Variants in PGM5 observed in about 807,000 individuals in gnomAD.
The protein encoded by PGM5 is phosphoglucomutase 5, also known as phosphoglucomutase-like protein 5.
A neutral mutation model predicts 59.2 loss-of-function variants in PGM5; 23 were observed. The observed-to-expected ratio is 0.39, with a 90% CI of 0.28 to 0.55. The LOEUF (loss-of-function observed/expected upper bound fraction) is 0.55, where lower values mean the gene tolerates loss of function less well. Among genes scored for constraint, PGM5 ranks in the 20% least tolerant of loss-of-function variants. The pLI, the probability that PGM5 is intolerant of heterozygous loss-of-function variation, is 0.66. For missense variants in PGM5, 574 were observed against 748.3 expected, an observed-to-expected ratio of 0.77 and a Z score of 2.72; for synonymous variants, 214 against 286.0, an observed-to-expected ratio of 0.75 and a Z score of 2.54.
At chr9:68,527,199 A>G (rs759963929) in intron 10 of PGM5, among the ~76,000 whole-genome samples, 8 of 152,244 alleles carry the variant, frequency 5.3e-5, no homozygotes, top group Non-Finnish European at 8.8e-5. Context: ...CCACTTAAAG[A>G]TGTGGAGTCA....
chr9:68,526,199 G>A (rs1824971183), intron 10 of PGM5, among the ~76,000 whole-genome samples: 1 of 152,216 alleles, frequency 6.6e-6, no homozygotes, highest in Non-Finnish European at 1.5e-5. Flanking sequence ...AAGAAGTTCT[G>A]TGGTTCCTGG....
At chr9:68,399,930 C>G (rs1484067008) in intron 6 of PGM5, among the ~76,000 whole-genome samples, 1 of 151,988 alleles carries the variant, frequency 6.6e-6, no homozygotes, top group African/African-American at 2.4e-5. Flanking sequence ...AATAATAAAC[C>G]TTGGAATAAT....
intron 7 of PGM5, among the ~76,000 whole-genome samples, chr9:68,467,047 T>C (rs535423158): frequency 1.3e-5 from 2 of 152,272 alleles, no homozygotes; most frequent in African/African-American, 4.8e-5. Context: ...ATTTGTTTCA[T>C]GTAAGAGAAG....
intron 6 of PGM5, chr9:68,398,255 C>A (rs1481405437): frequency 2.6e-5 from 4 of 152,224 alleles, no homozygotes; most frequent in Middle Eastern, 3.4e-3. Flanking sequence ...AGAAGAAAGC[C>A]CTTTATCCTG....
intron 8 of PGM5, among the ~76,000 whole-genome samples, chr9:68,480,031 A>G (rs1193848581): frequency 6.6e-6 from 1 of 152,110 alleles, no homozygotes; most frequent in East Asian, 1.9e-4. Flanking sequence ...AAAGGCTACC[A>G]AGCTGGAAGG....
rs373460236 is a variant in PGM5 at position 68,446,897 on chromosome 9, C to T, written c.1044-18196C>T. On this transcript the variant is annotated intron_variant, in intron 6 of 10. Transcript: ENST00000396396. The stretch of plus-strand genomic sequence containing the variant: ...TCCCATCTCCTGATCGGCATTCCTC[C>T]ACTCTTTTGCTTCATAAATTAGAAG... Among the ~76,000 whole-genome samples the T allele has an allele frequency of 3.4e-4, 52 of 152,260 alleles. 1 individual carries two copies. In the South Asian group the frequency reaches 7.9e-3, roughly 23 times the overall value.
chr9:68,374,116 GT>G (rs1315300143), intron 1 of PGM5, among the ~76,000 whole-genome samples: 3 of 152,282 alleles, frequency 2.0e-5, no homozygotes, highest in Non-Finnish European at 2.9e-5. Context: ...GGCTTCCTAA[GT>G]TTTTGTGGAC....
At chr9:68,387,964 C>A (rs562781093) in intron 4 of PGM5, among the ~76,000 whole-genome samples, 247 of 150,642 alleles carry the variant, frequency 1.6e-3, no homozygotes, top group Middle Eastern at 3.4e-3. Context: ...TAAATTTTTC[C>A]ATTTTTTCAG....
intron 6 of PGM5, among the ~76,000 whole-genome samples, chr9:68,431,949 T>G (rs1587807928): frequency 6.6e-6 from 1 of 152,166 alleles, no homozygotes; most frequent in African/African-American, 2.4e-5. Context: ...AGCCCTCCAA[T>G]CTACTCCTGG....
chr9:68,472,981 TA>T (rs1354804411), intron 7 of PGM5, among the ~76,000 whole-genome samples: 4 of 152,318 alleles, frequency 2.6e-5, no homozygotes, highest in Middle Eastern at 3.4e-3. Context: ...CATTTAAGAA[TA>T]TTTTTTTAAG....
intron 7 of PGM5, 40 bp from the exon 8 acceptor site, chr9:68,479,378 C>T (rs1554686918): frequency 6.4e-7 from 1 of 1,573,684 alleles, no homozygotes; most frequent in South Asian, 1.2e-5. Flanking sequence ...GCTTTGCTCC[C>T]ACAAATGAAT....
Position 68,529,164 on chromosome 9 carries a change from CGTGTGTGTGTGTGTGTGTGTGT to C in PGM5, c.1615-377_1615-356del, listed in dbSNP as rs3223716. On this transcript the variant is annotated intron_variant, in intron 10 of 10. Coordinates refer to ENST00000396396, the MANE Select transcript of PGM5 (RefSeq NM_021965.4). The stretch of plus-strand genomic sequence containing the variant: ...AGGATGAAGAATGAGCTTTTATTCT[CGTGTGTGTGTGTGTGTGTGTGT>C]GTGTGTGTGTGTGTGTGTGTGTGTG... 1.2e-4 allele frequency among the ~76,000 whole-genome samples: 16 copies of C among 131,952 alleles called. No homozygotes were observed. The South Asian group carries it at 3.0e-3, about 25-fold the overall frequency. 86.6% of individuals were successfully genotyped at this position (131,952 alleles called of 152,430 possible).
chr9:68,483,573 C>T (rs1554687299), intron 8 of PGM5, among the ~76,000 whole-genome samples: 2 of 152,168 alleles, frequency 1.3e-5, no homozygotes, highest in Non-Finnish European at 1.5e-5. Flanking sequence ...GGGCAGATCC[C>T]ACAGTGCCTG....
intron 6 of PGM5, among the ~76,000 whole-genome samples, chr9:68,406,754 C>T (rs1213309577): frequency 7.8e-6 from 1 of 127,790 alleles, no homozygotes; most frequent in East Asian, 2.4e-4. Context: ...AGTGCCAGTC[C>T]ACAGTATGCG....
chr9:68,423,647 C>G (rs566168731), intron 6 of PGM5, among the ~76,000 whole-genome samples: 2,542 of 93,762 alleles, frequency 0.027, 26 homozygotes, highest in Non-Finnish European at 0.04. Context: ...CTCTCTCTCT[C>G]TCTCTCTGTC....
intron 6 of PGM5, among the ~76,000 whole-genome samples, chr9:68,410,755 T>C (rs146175432): frequency 7.6e-4 from 116 of 152,258 alleles, no homozygotes; most frequent in African/African-American, 2.6e-3. Flanking sequence ...GCCACAAAGA[T>C]TGGGAACAAG....
intron 6 of PGM5, among the ~76,000 whole-genome samples, chr9:68,443,531 A>C (rs1450259299): frequency 1.3e-5 from 2 of 152,230 alleles, no homozygotes; most frequent in Non-Finnish European, 2.9e-5. Context: ...ATATATTTCA[A>C]AGCTTCCCTC....
intron 10 of PGM5, among the ~76,000 whole-genome samples, chr9:68,502,616 C>G (rs1266622139): frequency 6.6e-6 from 1 of 152,162 alleles, no homozygotes; most frequent in African/African-American, 2.4e-5. Context: ...CCGATCTCAC[C>G]CCAGTCCTTG....
chr9:68,369,805 A>G (rs1239394840), intron 1 of PGM5, among the ~76,000 whole-genome samples: 2 of 152,020 alleles, frequency 1.3e-5, no homozygotes, highest in Non-Finnish European at 2.9e-5. Flanking sequence ...GACGTTGAGG[A>G]TGAGCTCTCT....
Sources: allele counts gnomAD v4.1 joint callset (sites outside exome capture counted in the v4.1 genomes callset), GRCh38; gene constraint gnomAD v4.1.1; transcripts MANE v1.5; gene names NCBI Gene and HGNC (gene_info 2026-07-23, HGNC 2026-07-21).